Variants in FGD4 observed in about 807,000 individuals in gnomAD.
The protein encoded by FGD4 is FYVE, RhoGEF and PH domain-containing protein 4.
In FGD4, 42 loss-of-function variants were observed where a neutral mutation model predicts 102.0. That is an observed-to-expected ratio of 0.41 (90% confidence interval 0.32 to 0.53). The LOEUF is 0.53. Ranked by LOEUF, FGD4 falls within the 20% of genes least tolerant of loss-of-function variation. The pLI is 0.21. For missense variants in FGD4, 902 were observed against 1,078.2 expected, an observed-to-expected ratio of 0.84 and a Z score of 2.29; for synonymous variants, 380 against 375.7, an observed-to-expected ratio of 1.01 and a Z score of -0.13.
chr12:32,600,499 G>A, intron 5 of FGD4: 3 of 1,258,766 alleles, frequency 2.4e-6, no homozygotes, highest in Non-Finnish European at 3.1e-6. Flanking sequence ...TAACAGAATG[G>A]CAATTAAGAG....
chr12:32,640,612 C>G lies in FGD4; in HGVS notation c.*79C>G. 5 of 1,597,864 alleles carry G rather than the reference C, an allele frequency of 3.1e-6. No homozygotes were observed. Among genetic ancestry groups the G allele is most frequent in the Non-Finnish European group, 4.3e-6 (5 of 1,169,322 alleles). On this transcript the variant is annotated 3_prime_UTR_variant, in exon 17 of 17. Coordinates refer to ENST00000534526, the MANE Select transcript of FGD4 (RefSeq NM_001370298.3). ...ATTCCCAGCTCTTCTTACACATCTG[C>G]TAGCACTTTATGTTGAAAAATATAG...
chr12:32,626,431 T>G (rs1592458945), intron 14 of FGD4, among the ~76,000 whole-genome samples: 10 of 116,734 alleles, frequency 8.6e-5, no homozygotes, highest in South Asian at 2.6e-4. Context: ...GCAGCAAGAG[T>G]GAAACTCCAT....
Position 32,513,690 on chromosome 12 carries a change from G to A in FGD4, c.167-50447G>A, listed in dbSNP as rs116678143. Reference sequence around the variant, plus strand: ...GCCAGGACTTAGTGATTAATTGGATGTGTAGATGGGGTAAAGGAGTGGAAA... The same window carrying A: ...GCCAGGACTTAGTGATTAATTGGATATGTAGATGGGGTAAAGGAGTGGAAA... On this transcript the variant is annotated intron_variant, in intron 1 of 16. Transcript: ENST00000534526. Among the ~76,000 whole-genome samples the A allele has an allele frequency of 2.0e-3, 311 of 152,304 alleles. 3 individuals carry two copies. Among genetic ancestry groups the A allele is most frequent in the African/African-American group, 7.2e-3 (300 of 41,566 alleles).
intron 1 of FGD4, among the ~76,000 whole-genome samples, chr12:32,547,729 CG>C (rs1263700237): frequency 1.3e-5 from 2 of 152,282 alleles, no homozygotes; most frequent in African/African-American, 4.8e-5. Flanking sequence ...TTTTTTAAGA[CG>C]GAGTCTCACT....
intron 1 of FGD4, among the ~76,000 whole-genome samples, chr12:32,459,411 C>G (rs1271151625): frequency 1.3e-5 from 2 of 151,970 alleles, no homozygotes; most frequent in Non-Finnish European, 2.9e-5. Flanking sequence ...CCAGGCTGGT[C>G]TCTAACTCAT....
chr12:32,540,423 G>C (rs1248907373), intron 1 of FGD4, among the ~76,000 whole-genome samples: 1 of 152,208 alleles, frequency 6.6e-6, no homozygotes, highest in Non-Finnish European at 1.5e-5. Flanking sequence ...CAAAAGCAGA[G>C]AGAAACATAT....
At chr12:32,483,491 C>T (rs1943815976) in intron 1 of FGD4, among the ~76,000 whole-genome samples, 3 of 152,124 alleles carry the variant, frequency 2.0e-5, no homozygotes, top group Admixed American at 2.0e-4. Flanking sequence ...TTCCATATAA[C>T]TTTTCTTTTT....
chr12:32,436,520 GGAGCC>G (rs1225424138), intron 1 of FGD4, among the ~76,000 whole-genome samples: 1 of 152,240 alleles, frequency 6.6e-6, no homozygotes, highest in Non-Finnish European at 1.5e-5. Flanking sequence ...AGGAAGCACT[GGAGCC>G]AGCAGAATGC....
intron 1 of FGD4, among the ~76,000 whole-genome samples, chr12:32,522,716 T>C (rs774297987): frequency 1.3e-5 from 2 of 152,170 alleles, no homozygotes; most frequent in South Asian, 2.1e-4. Flanking sequence ...CCTTGGGTGA[T>C]TGATAGAGGG....
At position 32,534,202 on chromosome 12, in the gene FGD4, C is replaced by T. The variant is rs1942040128; in HGVS notation, c.167-29935C>T. 21 of 810,164 alleles carry T rather than the reference C, an allele frequency of 2.6e-5. No individual in the cohort carries two copies. The East Asian group carries it at 8.6e-4, about 33-fold the overall frequency. 50.2% of individuals were successfully genotyped at this position (810,164 alleles called of 1,614,324 possible). A position where few individuals can be genotyped will look rare whatever the true frequency, so the allele number is the denominator to read the frequency against. ...ACTTTACTTTGATAAATAGAAGTCT[C>T]TCTGTGCTCATACACTCCCTCTCAT... is the stretch of plus-strand genomic sequence containing the variant. On this transcript the variant is annotated intron_variant, in intron 1 of 16. Transcript: ENST00000534526.
intron 1 of FGD4, among the ~76,000 whole-genome samples, chr12:32,504,085 A>T (rs548701377): frequency 6.6e-6 from 1 of 152,262 alleles, no homozygotes; most frequent in African/African-American, 2.4e-5. Context: ...TTAATGTTAG[A>T]CCCAGCATTT....
chr12:32,563,630 T>C (rs1427557278), intron 1 of FGD4, among the ~76,000 whole-genome samples: 1 of 152,120 alleles, frequency 6.6e-6, no homozygotes, highest in African/African-American at 2.4e-5. Context: ...ATCTCGGCAC[T>C]TTGGGAGGCC....
rs763187921 is a variant in FGD4 at position 32,640,577 on chromosome 12, A to G, written c.*44A>G. The stretch of plus-strand genomic sequence containing the variant: ...ATGGTGTGGAGGTCTCAGGACTTAC[A>G]GCTCAAGACATTCCCAGCTCTTCTT... On this transcript the variant is annotated 3_prime_UTR_variant, in exon 17 of 17. Coordinates refer to ENST00000534526, the MANE Select transcript of FGD4 (RefSeq NM_001370298.3). 3.7e-6 allele frequency: 6 copies of G among 1,612,242 alleles called. No individual in the cohort carries two copies. The highest frequency in any genetic ancestry group is 4.2e-6 in the Non-Finnish European group (5 of 1,179,932).
At chr12:32,539,537 C>T (rs1397460862) in intron 1 of FGD4, among the ~76,000 whole-genome samples, 1 of 151,242 alleles carries the variant, frequency 6.6e-6, no homozygotes, top group Non-Finnish European at 1.5e-5. Flanking sequence ...CCATTGCACT[C>T]CAGCCTGGGC....
At chr12:32,473,408 C>T (rs1159425302) in intron 1 of FGD4, among the ~76,000 whole-genome samples, 2 of 152,116 alleles carry the variant, frequency 1.3e-5, no homozygotes, top group African/African-American at 4.8e-5. Flanking sequence ...CAGGAGCCCA[C>T]TGGGGGGAAG....
intron 1 of FGD4, among the ~76,000 whole-genome samples, chr12:32,409,210 T>C (rs1444886719): frequency 6.6e-6 from 1 of 152,162 alleles, no homozygotes; most frequent in East Asian, 1.9e-4. Context: ...TTTTGCCTTA[T>C]TTTTGGCCTA....
At chr12:32,480,538 G>A (rs1943716325) in intron 1 of FGD4, among the ~76,000 whole-genome samples, 3 of 150,148 alleles carry the variant, frequency 2.0e-5, no homozygotes, top group Non-Finnish European at 4.4e-5. Flanking sequence ...GTCTTACTCT[G>A]TCACCAGGCT....
chr12:32,599,105 A>G (rs1565889185), intron 5 of FGD4, among the ~76,000 whole-genome samples: 1 of 152,210 alleles, frequency 6.6e-6, no homozygotes, highest in Admixed American at 6.5e-5. Context: ...TATTTGTTTA[A>G]TGTGTGAATG....
At chr12:32,472,843 G>C (rs1943455085) in intron 1 of FGD4, among the ~76,000 whole-genome samples, 1 of 152,246 alleles carries the variant, frequency 6.6e-6, no homozygotes, top group African/African-American at 2.4e-5. Context: ...CTCAAGGTTT[G>C]TGAGTGCACC....
Sources: allele counts gnomAD v4.1 joint callset (sites outside exome capture counted in the v4.1 genomes callset), GRCh38; gene constraint gnomAD v4.1.1; transcripts MANE v1.5; gene names NCBI Gene and HGNC (gene_info 2026-07-23, HGNC 2026-07-21).